NFIB: variants seen among roughly 807,000 people sequenced by gnomAD.
NFIB encodes the protein nuclear factor I B.
A neutral mutation model predicts 61.5 loss-of-function variants in NFIB; 11 were observed. That is an observed-to-expected ratio of 0.18 (90% CI 0.11 to 0.30). NFIB has a LOEUF of 0.30. Ranked by LOEUF, NFIB falls within the 10% of genes least tolerant of loss-of-function variation. The pLI is 1.00. For synonymous variants in NFIB, 260 were observed against 216.5 expected, an observed-to-expected ratio of 1.20 and a Z score of -1.76; for missense variants, 471 against 608.9, an observed-to-expected ratio of 0.77 and a Z score of 2.38.
rs199760120 is a variant in NFIB, at chr9:14,297,754, T to C, written c.562+9235A>G. On this transcript the variant is annotated intron_variant, in intron 2 of 10. Coordinates refer to ENST00000380953, the MANE Select transcript of NFIB (RefSeq NM_001190737.2). ...TTCCTCTAATAATTTAAAAATAAAA[T>C]GTAACAGCTTGGATTTTAAATATTT... Among the ~76,000 whole-genome samples, 65 of 152,272 alleles carry C rather than the reference T, an allele frequency of 4.3e-4. No individual in the cohort carries two copies. In the East Asian group the frequency reaches 0.01, roughly 24 times the overall value.
At chr9:14,473,895 C>T in the NFIB span, among the ~76,000 whole-genome samples, 1 of 152,102 alleles carries the variant, frequency 6.6e-6, no homozygotes, top group African/African-American at 2.4e-5. Flanking sequence ...AGAACCATGA[C>T]CGTTTTTCAC....
chr9:14,243,449 C>T (rs993551886), intron 2 of NFIB, among the ~76,000 whole-genome samples: 7 of 152,094 alleles, frequency 4.6e-5, no homozygotes, highest in Non-Finnish European at 7.4e-5. Context: ...TCTTCTACCC[C>T]GATTCCTAAG....
chr9:14,529,068 G>C, the NFIB span, among the ~76,000 whole-genome samples: 1 of 152,082 alleles, frequency 6.6e-6, no homozygotes, highest in Non-Finnish European at 1.5e-5. Context: ...ACTGAATGTA[G>C]GTAGATGATA....
In NFIB at chr9:14,237,763, AGTGTGTGTGTGT is replaced by A. The variant is rs71321971; in HGVS notation, c.563-57995_563-57984del. 7.8e-3 allele frequency among the ~76,000 whole-genome samples: 668 copies of A among 85,124 alleles called. 6 individuals carry two copies. Among genetic ancestry groups the A allele is most frequent in the South Asian group, 9.7e-3 (20 of 2,066 alleles). 55.8% of individuals were successfully genotyped at this position (85,124 alleles called of 152,430 possible). ...AGCTCCTCACCCTGCTAGGTATAAC[AGTGTGTGTGTGT>A]GTGTGTGTGTGTGTGTGTGTGTGTG... On this transcript the variant is annotated intron_variant, in intron 2 of 10. Transcript: ENST00000380953.
At position 14,086,041 on chromosome 9, in the gene NFIB, T is replaced by TG; in HGVS notation, c.*2267dup. On this transcript the variant is annotated 3_prime_UTR_variant, in exon 11 of 11. Coordinates refer to ENST00000380953, the MANE Select transcript of NFIB (RefSeq NM_001190737.2). Reference sequence around the variant, plus strand: ...AGTCTGCCTCCAGGAGAATTTGTTGTGTTTGCTTGTTCTTACTATTGTGTT... The same window carrying TG: ...AGTCTGCCTCCAGGAGAATTTGTTGTGGTTTGCTTGTTCTTACTATTGTGTT... The TG allele has an allele frequency of 4.4e-6, 1 of 228,236 alleles. No homozygotes were observed. The highest frequency in any genetic ancestry group is 8.7e-6 in the Non-Finnish European group (1 of 114,608). The allele number at this position is 228,236 out of a possible 1,614,324, so 14.1% of individuals were successfully genotyped here. A position where few individuals can be genotyped will look rare whatever the true frequency, so the allele number is the denominator to read the frequency against.
At chr9:14,339,292 T>C (rs2060922833) in intron 1 of NFIB, among the ~76,000 whole-genome samples, 2 of 152,224 alleles carry the variant, frequency 1.3e-5, no homozygotes, top group Admixed American at 1.3e-4. Context: ...GCTGTGATTA[T>C]TATTGTTGTT....
intron 5 of NFIB, among the ~76,000 whole-genome samples, chr9:14,149,396 A>G (rs1234696618): frequency 6.6e-6 from 1 of 152,150 alleles, no homozygotes; most frequent in African/African-American, 2.4e-5. Flanking sequence ...CTTATATTTG[A>G]TTACACATAT....
At position 14,307,565 on chromosome 9, in the gene NFIB, T is replaced by A. The variant is rs763201276; in HGVS notation, c.31-45A>T. On this transcript the variant is annotated intron_variant, in intron 1 of 10. Transcript: ENST00000380953. This position sits in a 1 kb window ranked among gnomAD's most constrained non-coding sequence, Gnocchi z 5.3. ...GAGGAAAAGATGTGCATAGTCAGTT[T>A]AATTTTAAAAGCTCAAAAAATAAGA... 3 of 1,492,446 alleles carry A rather than the reference T, an allele frequency of 2.0e-6. No homozygotes were observed. Among genetic ancestry groups the A allele is most frequent in the Non-Finnish European group, 2.7e-6 (3 of 1,120,634 alleles). 92.5% of individuals were successfully genotyped at this position (1,492,446 alleles called of 1,614,324 possible).
At chr9:14,381,989 A>G (rs1237972320) in intron 1 of NFIB, among the ~76,000 whole-genome samples, 1 of 152,226 alleles carries the variant, frequency 6.6e-6, no homozygotes, top group East Asian at 1.9e-4. Context: ...GCTGGAAAAA[A>G]TGCTAAAAAC....
chr9:14,088,355 G>C, intron 10 of NFIB, 29 bp from the exon 11 acceptor site: 1 of 1,467,530 alleles, frequency 6.8e-7, no homozygotes, highest in South Asian at 1.5e-5. Context: ...CAGCAGGGAG[G>C]GAAGAAAAAA....
intron 2 of NFIB, among the ~76,000 whole-genome samples, chr9:14,304,202 A>G (rs562479759): frequency 6.6e-6 from 1 of 152,326 alleles, no homozygotes; most frequent in Admixed American, 6.5e-5. Context: ...CTCTTCCCAC[A>G]TTTCAGAAAG....
At chr9:14,379,314 T>C (rs2061456724) in intron 1 of NFIB, among the ~76,000 whole-genome samples, 1 of 152,184 alleles carries the variant, frequency 6.6e-6, no homozygotes, top group African/African-American at 2.4e-5. Context: ...GACAGAGCTA[T>C]TGAAAGAGCA....
chr9:14,222,573 T>C (rs1397935593), intron 2 of NFIB, among the ~76,000 whole-genome samples: 2 of 151,792 alleles, frequency 1.3e-5, no homozygotes, highest in African/African-American at 4.8e-5. Flanking sequence ...GAGGCCAAAA[T>C]GGGAGGCTCA....
At position 14,155,841 on chromosome 9, in the gene NFIB, A is replaced by C; in HGVS notation, c.669T>G (p.Leu223=). 1.9e-6 allele frequency: 3 copies of C among 1,582,854 alleles called. No individual in the cohort carries two copies. The highest frequency in any genetic ancestry group is 2.6e-6 in the Non-Finnish European group (3 of 1,162,280). ...TTTACTTACTTCTGGATACTCTTAC[A>C]AGTTCTGATACATTGAAGACTCCAG... ...VKSGVFNVSE[L]VRVSRTPITQ... Residue 223 remains leucine (L), a synonymous_variant, in exon 4 of 11, where the codon CTT becomes CTG. Coordinates refer to ENST00000380953, the MANE Select transcript of NFIB (RefSeq NM_001190737.2).
At chr9:14,235,790 C>T (rs74973797) in intron 2 of NFIB, among the ~76,000 whole-genome samples, 3,230 of 152,150 alleles carry the variant, frequency 0.021, 86 homozygotes, top group African/African-American at 0.059. Context: ...AAAATAGTAA[C>T]CTGGGCAGTA....
rs530542031 is a variant in NFIB at position 14,387,339 on chromosome 9, G to A, written c.108+11185C>T. Among the ~76,000 whole-genome samples the A allele has an allele frequency of 2.0e-5, 3 of 152,270 alleles. No individual in the cohort carries two copies. The East Asian group carries it at 5.8e-4, about 29-fold the overall frequency. ...TTTGGTACTAAAATATTATTACTAT[G>A]CAACCATGAGCCTCACATTTCTCCA... On this transcript the variant is annotated intron_variant, in intron 1 of 8. Coordinates refer to the NFIB transcript ENST00000380934.
At chr9:14,488,086 C>A in the NFIB span, among the ~76,000 whole-genome samples, 1 of 152,130 alleles carries the variant, frequency 6.6e-6, no homozygotes, top group Non-Finnish European at 1.5e-5. Flanking sequence ...ACAAAAGAAT[C>A]ACCTAGGCCA....
At chr9:14,286,290 A>G (rs2058705221) in intron 2 of NFIB, among the ~76,000 whole-genome samples, 1 of 152,186 alleles carries the variant, frequency 6.6e-6, no homozygotes, top group South Asian at 2.1e-4. Flanking sequence ...TGCTAGGGCC[A>G]CTCAGAACCC....
intron 2 of NFIB, among the ~76,000 whole-genome samples, chr9:14,263,187 C>G (rs374971805): frequency 6.6e-6 from 1 of 151,952 alleles, no homozygotes; most frequent in South Asian, 2.1e-4. Flanking sequence ...TGTACAGTCT[C>G]TAAAACAAAC....
Sources: gnomAD v4.1 joint callset for allele counts (sites outside exome capture counted in the v4.1 genomes callset) on GRCh38, gnomAD v4.1.1 for gene constraint, Gnocchi (gnomAD v3.1) non-coding constraint, MANE v1.5 for transcripts, NCBI Gene and HGNC (gene_info 2026-07-23, HGNC 2026-07-21) for gene names.